TSPAN32: variants seen among roughly 807,000 people sequenced by gnomAD.
The protein encoded by TSPAN32 is tetraspanin-32.
TSPAN32 carries 47 observed loss-of-function variants against 42.7 expected under a neutral mutation model. That is an observed-to-expected ratio of 1.10 (90% confidence interval 0.87 to 1.40). The LOEUF (loss-of-function observed/expected upper bound fraction) is 1.40, where lower values mean the gene tolerates loss of function less well. Among genes scored for constraint, TSPAN32 ranks in the 40% most tolerant of loss-of-function variants. The pLI is 0.00. For missense variants in TSPAN32, 469 were observed against 424.1 expected (o/e 1.11, Z -0.93); for synonymous variants, 175 against 175.9 (o/e 0.99, Z 0.04).
chr11:2,308,675 C>T, intron 3 of TSPAN32, 61 bp from the exon 4 acceptor site: 1 of 547,652 alleles, frequency 1.8e-6, no homozygotes, highest in Non-Finnish European at 3.1e-6. Flanking sequence ...CCCCCCCCAG[C>T]AGCGACCAGC....
chr11:2,315,460 CA>C, intron 6 of TSPAN32: 2 of 1,131,512 alleles, frequency 1.8e-6, no homozygotes, highest in South Asian at 4.0e-5. Flanking sequence ...GACTGAAAAG[CA>C]GGAGCGAGGG....
chr11:2,309,725 T>C (rs1180846267), intron 4 of TSPAN32, among the ~76,000 whole-genome samples: 1 of 152,206 alleles, frequency 6.6e-6, no homozygotes, highest in Non-Finnish European at 1.5e-5. Context: ...GCAGGTCCTC[T>C]GGCTGAGCTC....
chr11:2,303,022 G>T, intron 2 of TSPAN32, 64 bp downstream of exon 2: 1 of 1,458,262 alleles, frequency 6.9e-7, no homozygotes, highest in Non-Finnish European at 9.5e-7. Flanking sequence ...GCTGGCACGA[G>T]CCCAGCTGGA....
Position 2,315,035 on chromosome 11 carries a change from G to GCCAGGCTGGAGGGTCGGCA in TSPAN32, c.543+464_543+465insCCAGGCTGGAGGGTCGGCA, listed in dbSNP as rs1554942189. The GCCAGGCTGGAGGGTCGGCA allele has an allele frequency of 4.2e-5, 7 of 165,488 alleles. No homozygotes were observed. In the African/African-American group the frequency reaches 2.6e-3, roughly 62 times the overall value. The allele number at this position is 165,488 out of a possible 1,614,324, so 10.3% of individuals were successfully genotyped here. ...TTGAAGGGCACTCAGAGGAGAAGAA[G>GCCAGGCTGGAGGGTCGGCA]TAGGCCAGGGTGTGGCCAGGGCTTC... On this transcript the variant is annotated intron_variant, in intron 6 of 9. Coordinates refer to ENST00000182290, the MANE Select transcript of TSPAN32 (RefSeq NM_139022.3).
At chr11:2,312,024 A>C (rs376467622) in intron 4 of TSPAN32, among the ~76,000 whole-genome samples, 1 of 148,818 alleles carries the variant, frequency 6.7e-6, no homozygotes, top group Non-Finnish European at 1.5e-5. Flanking sequence ...GCAGGGCAGG[A>C]AGAGCCAGGC....
In TSPAN32 at chr11:2,314,566, A is replaced by G; in HGVS notation, c.538A>G (p.Arg180Gly). 2 of 1,607,434 alleles carry G rather than the reference A, an allele frequency of 1.2e-6. No homozygotes were observed. The highest frequency in any genetic ancestry group is 1.7e-6 in the Non-Finnish European group (2 of 1,177,328). Reference sequence around the variant, plus strand: ...CCTGTGTCAGGGAGAGGAGGCGGCGAGAGAGGTGAGGGGGGGACCTGGATG... The same window carrying G: ...CCTGTGTCAGGGAGAGGAGGCGGCGGGAGAGGTGAGGGGGGGACCTGGATG... ...ADLCQGEEAA[R>G]EDCLQGIRSF... The change falls in exon 6 of 10, where the codon AGA becomes GGA. Residue 180 changes from arginine to glycine, a missense_variant. By Grantham distance (125) the Arg-to-Gly change is moderately radical (BLOSUM62 -2). Coordinates refer to ENST00000182290, the MANE Select transcript of TSPAN32 (RefSeq NM_139022.3).
At chr11:2,316,203 G>A (rs552404519) in intron 6 of TSPAN32, 26 bp from the exon 7 acceptor site, 4 of 1,536,998 alleles carry the variant, frequency 2.6e-6, no homozygotes, top group East Asian at 2.4e-5. Flanking sequence ...CTCAGGGCGG[G>A]TACCATGCCT....
intron 3 of TSPAN32, among the ~76,000 whole-genome samples, chr11:2,305,314 C>A (rs1477408660): frequency 2.0e-5 from 3 of 150,740 alleles, no homozygotes; most frequent in African/African-American, 7.4e-5. Context: ...CCTGTGCTAT[C>A]TGGCTTCAGG....
chr11:2,316,817 C>T (rs1044698750), intron 8 of TSPAN32, 150 bp downstream of exon 8: 55 of 858,570 alleles, frequency 6.4e-5, no homozygotes, highest in Non-Finnish European at 8.4e-5. Flanking sequence ...GGCTGAGCAC[C>T]AGGGTGGGGT....
At position 2,315,740 on chromosome 11, in the gene TSPAN32, A is replaced by G; in HGVS notation, c.544-489A>G. On this transcript the variant is annotated intron_variant, in intron 6 of 9. Coordinates refer to ENST00000182290, the MANE Select transcript of TSPAN32 (RefSeq NM_139022.3). ...TTCTGAAAAGATGCCTCTGGGTGCC[A>G]TGCCCTGGGGTGGCACTGGAAGCCT... 4 of 1,228,456 alleles carry G rather than the reference A, an allele frequency of 3.3e-6. No homozygotes were observed. In the South Asian group the frequency reaches 5.6e-5, roughly 17 times the overall value. 76.1% of individuals were successfully genotyped at this position (1,228,456 alleles called of 1,614,324 possible). A position where few individuals can be genotyped will look rare whatever the true frequency, so the allele number is the denominator to read the frequency against.
chr11:2,317,413 C>G lies in TSPAN32; in HGVS notation c.789C>G (p.Leu263=). The G allele has an allele frequency of 6.2e-7, 1 of 1,602,430 alleles. No homozygotes were observed. Among genetic ancestry groups the G allele is most frequent in the Non-Finnish European group, 8.5e-7 (1 of 1,174,492 alleles). ...CCCAGGGTGGACCCACACATTGTCTCCACTCCGAAGCAGTTGCTATTGGTC... is the reference window on the plus strand; with the variant it reads ...CCCAGGGTGGACCCACACATTGTCTGCACTCCGAAGCAGTTGCTATTGGTC... ...RCSQGGPTHC[L]HSEAVAIGPR... is the part of the protein sequence containing the mutation. The change falls in exon 9 of 10, where the codon CTC becomes CTG. Residue 263 remains leucine, a synonymous_variant. Transcript: ENST00000182290. The surrounding 1 kb of genome is among the most constrained non-coding windows in gnomAD (Gnocchi z 6.2).
At chr11:2,307,659 T>C (rs1848198747) in intron 3 of TSPAN32, among the ~76,000 whole-genome samples, 1 of 152,124 alleles carries the variant, frequency 6.6e-6, no homozygotes, top group Non-Finnish European at 1.5e-5. Flanking sequence ...TTCCTTAGCT[T>C]CCGCAAGGGG....
chr11:2,303,414 T>C, intron 2 of TSPAN32: 1 of 206,460 alleles, frequency 4.8e-6, no homozygotes. Context: ...CTGCAGGGAC[T>C]CAGCAGCGAC....
At position 2,318,024 on chromosome 11, in the gene TSPAN32, T is replaced by C; in HGVS notation, c.*100T>C. On this transcript the variant is annotated 3_prime_UTR_variant, in exon 10 of 10. Coordinates refer to ENST00000182290, the MANE Select transcript of TSPAN32 (RefSeq NM_139022.3). This position sits in a 1 kb window ranked among gnomAD's most constrained non-coding sequence, Gnocchi z 4.2. The stretch of plus-strand genomic sequence containing the variant: ...TTGACAAGTCAACTCCTCATGGCTG[T>C]AGGACTGAGGTTCCCAAGTCCTTGT... 1.5e-6 allele frequency: 1 copy of C among 652,592 alleles called. No homozygotes were observed. The highest frequency in any genetic ancestry group is 1.7e-5 in the South Asian group (1 of 58,022). The allele number at this position is 652,592 out of a possible 1,614,324, so 40.4% of individuals were successfully genotyped here.
chr11:2,315,079 C>T (rs995283564), intron 6 of TSPAN32: 6 of 353,992 alleles, frequency 1.7e-5, no homozygotes, highest in Non-Finnish European at 2.4e-5. Context: ...CAGAGCGGGG[C>T]CCGAGGCCAG....
chr11:2,302,759 G>C, intron 1 of TSPAN32, 85 bp from the exon 2 acceptor site: 7 of 1,094,976 alleles, frequency 6.4e-6, no homozygotes, highest in Non-Finnish European at 9.5e-6. Flanking sequence ...AAGCTGGAGA[G>C]AGCCCCAACC....
chr11:2,314,808 C>T, intron 6 of TSPAN32: 1 of 556,598 alleles, frequency 1.8e-6, no homozygotes. Flanking sequence ...ACACAGGCCC[C>T]TTTGCCCAGC....
Position 2,306,046 on chromosome 11 carries a change from C to CTGTGTGTGTGTGTGTGTGTGTGTG in TSPAN32, c.279+1844_279+1867dup, listed in dbSNP as rs56961357. ...TGTGTGTGTGCGTGTGCAGGTGCCT[C>CTGTGTGTGTGTGTGTGTGTGTGTG]TGTGTGTGTGTGTGTGTGTGTGTGT... On this transcript the variant is annotated intron_variant, in intron 3 of 9. Coordinates refer to ENST00000182290, the MANE Select transcript of TSPAN32 (RefSeq NM_139022.3). 1.4e-3 allele frequency among the ~76,000 whole-genome samples: 212 copies of CTGTGTGTGTGTGTGTGTGTGTGTG among 147,326 alleles called. 1 individual carries two copies. The highest frequency in any genetic ancestry group is 5.6e-3 in the South Asian group (25 of 4,500).
At chr11:2,310,583 T>C (rs1322164481) in intron 4 of TSPAN32, among the ~76,000 whole-genome samples, 3 of 152,216 alleles carry the variant, frequency 2.0e-5, no homozygotes, top group Non-Finnish European at 4.4e-5. Flanking sequence ...CTGGTGGCCA[T>C]GGAGGTGGCC....
Sources: allele counts gnomAD v4.1 joint callset (sites outside exome capture counted in the v4.1 genomes callset), GRCh38; gene constraint gnomAD v4.1.1; non-coding constraint Gnocchi (gnomAD v3.1); transcripts MANE v1.5; gene names NCBI Gene and HGNC (gene_info 2026-07-23, HGNC 2026-07-21).